Variants in PHLPP1 observed in about 807,000 individuals in gnomAD.
The protein encoded by PHLPP1 is PH domain leucine-rich repeat-containing protein phosphatase 1.
A neutral mutation model predicts 117.2 loss-of-function variants in PHLPP1; 42 were observed. That is an observed-to-expected ratio of 0.36 (90% CI 0.28 to 0.46). The LOEUF (loss-of-function observed/expected upper bound fraction) is 0.46. PHLPP1 is among the 20% of genes least tolerant of loss of function. PHLPP1 has a pLI of 1.00. For missense variants in PHLPP1, 2,084 were observed against 2,241.9 expected, an observed-to-expected ratio of 0.93 and a Z score of 1.42; for synonymous variants, 1,042 against 970.7, an observed-to-expected ratio of 1.07 and a Z score of -1.37.
chr18:62,815,219 G>A (rs1241904322), intron 1 of PHLPP1, among the ~76,000 whole-genome samples: 2 of 149,532 alleles, frequency 1.3e-5, no homozygotes, highest in African/African-American at 5.0e-5. Context: ...GTGCAGTGGC[G>A]CGATCTCTGC....
Position 62,766,069 on chromosome 18 carries a change from A to G in PHLPP1, c.1576+48810A>G, listed in dbSNP as rs1912473127. On this transcript the variant is annotated intron_variant, in intron 1 of 16. Coordinates refer to ENST00000262719, the MANE Select transcript of PHLPP1 (RefSeq NM_194449.4). The stretch of plus-strand genomic sequence containing the variant: ...GAGCTAGACTCCATCTCAAAAAAAA[A>G]AAAAAAAATATATATATATATATAT... Among the ~76,000 whole-genome samples the G allele has an allele frequency of 3.5e-5, 2 of 57,010 alleles. 1 individual carries two copies. Among genetic ancestry groups the G allele is most frequent in the Non-Finnish European group, 7.5e-5 (2 of 26,762 alleles). 37.4% of individuals were successfully genotyped at this position (57,010 alleles called of 152,430 possible). A position where few individuals can be genotyped will look rare whatever the true frequency, so the allele number is the denominator to read the frequency against.
chr18:62,865,376 CT>C (rs977891017), intron 4 of PHLPP1, among the ~76,000 whole-genome samples: 12 of 148,854 alleles, frequency 8.1e-5, no homozygotes, highest in Admixed American at 1.3e-4. Context: ...AGTTAATATG[CT>C]TTTTTTTTTC....
chr18:62,937,656 A>G (rs1910013781), intron 10 of PHLPP1, among the ~76,000 whole-genome samples: 1 of 152,144 alleles, frequency 6.6e-6, no homozygotes, highest in Non-Finnish European at 1.5e-5. Context: ...CTCAGCTTTG[A>G]GTTTTGTCTT....
rs143811073 is a variant in PHLPP1 at position 62,796,379 on chromosome 18, G to A, written c.1577-33656G>A. Among the ~76,000 whole-genome samples the A allele has an allele frequency of 9.8e-5, 15 of 152,332 alleles. No homozygotes were observed. The East Asian group carries it at 2.9e-3, about 29-fold the overall frequency. On this transcript the variant is annotated intron_variant, in intron 1 of 16. Transcript: ENST00000262719. ...AAGAGGCAGAGGTCAAACCTAAGCT[G>A]TCTGGCTTTGGAATCCATGTTTTGG...
intron 1 of PHLPP1, among the ~76,000 whole-genome samples, chr18:62,752,967 TA>T (rs1331886745): frequency 2.6e-5 from 4 of 152,220 alleles, no homozygotes; most frequent in Non-Finnish European, 5.9e-5. Flanking sequence ...TGTTGTGCCA[TA>T]TTACTACTGT....
At chr18:62,904,523 A>G (rs1189289392) in intron 7 of PHLPP1, among the ~76,000 whole-genome samples, 3 of 152,214 alleles carry the variant, frequency 2.0e-5, no homozygotes, top group Non-Finnish European at 1.5e-5. Context: ...TCAAGATTAC[A>G]TATGTTGATT....
chr18:62,848,132 A>G (rs117050210), intron 3 of PHLPP1, among the ~76,000 whole-genome samples: 1 of 152,134 alleles, frequency 6.6e-6, no homozygotes, highest in Non-Finnish European at 1.5e-5. Context: ...TGCAGATCTC[A>G]TCTGATCAGC....
intron 1 of PHLPP1, among the ~76,000 whole-genome samples, chr18:62,772,456 A>G (rs1210346412): frequency 4.6e-5 from 7 of 152,240 alleles, no homozygotes; most frequent in Admixed American, 2.6e-4. Flanking sequence ...CTAGGATCCC[A>G]TAACATATCT....
intron 9 of PHLPP1, among the ~76,000 whole-genome samples, chr18:62,915,394 C>G (rs1909237178): frequency 6.6e-6 from 1 of 152,130 alleles, no homozygotes; most frequent in Non-Finnish European, 1.5e-5. Flanking sequence ...CTTTTGTTCT[C>G]CCTAGACTTT....
At chr18:62,903,730 A>G (rs890296603) in intron 7 of PHLPP1, among the ~76,000 whole-genome samples, 5 of 151,186 alleles carry the variant, frequency 3.3e-5, no homozygotes, top group African/African-American at 4.9e-5. Flanking sequence ...AGATCACACT[A>G]CTGCACTCCA....
chr18:62,726,331 T>G (rs982779531), intron 1 of PHLPP1, among the ~76,000 whole-genome samples: 2 of 152,040 alleles, frequency 1.3e-5, no homozygotes, highest in Admixed American at 6.5e-5. Context: ...CTTTTTTTTT[T>G]TGGGGGGGTT....
chr18:62,822,600 A>G (rs141187772), intron 1 of PHLPP1, among the ~76,000 whole-genome samples: 1 of 152,238 alleles, frequency 6.6e-6, no homozygotes, highest in East Asian at 1.9e-4. Context: ...AGTGTTTTAA[A>G]TGGCACAAAT....
At chr18:62,905,879 G>A (rs148984989) in intron 8 of PHLPP1, among the ~76,000 whole-genome samples, 61 of 152,080 alleles carry the variant, frequency 4.0e-4, no homozygotes, top group African/African-American at 1.4e-3. Flanking sequence ...TATTTATTGC[G>A]GTTCCCACAA....
Position 62,978,782 on chromosome 18 carries a change from C to A in PHLPP1, c.4505C>A (p.Ala1502Asp). Residue 1502 changes from alanine (A) to aspartate (D), a missense_variant, in exon 17 of 17, where the codon GCC becomes GAC. Physicochemically the swap from Ala to Asp is moderately radical, Grantham distance 126. Around this residue, in one of 2 missense-constraint regions of PHLPP1, gnomAD observed 1,365 missense variants for 1,605.9 expected, o/e 0.85. Transcript: ENST00000262719. This position sits in a 1 kb window ranked among gnomAD's most constrained non-coding sequence, Gnocchi z 7.0. Reference sequence around the variant, plus strand: ...GCCTCCGATGAGCCCCCGCCCGGAGCCCTAAGCGAGAACAGCCCTGCCTAC... The same window carrying A: ...GCCTCCGATGAGCCCCCGCCCGGAGACCTAAGCGAGAACAGCCCTGCCTAC... ...STASDEPPPG[A>D]LSENSPAYPS... 1 of 1,612,784 alleles carries A rather than the reference C, an allele frequency of 6.2e-7. No homozygotes were observed. The highest frequency in any genetic ancestry group is 8.5e-7 in the Non-Finnish European group (1 of 1,179,522).
chr18:62,807,957 AT>A (rs1280618836), intron 1 of PHLPP1, among the ~76,000 whole-genome samples: 1 of 152,154 alleles, frequency 6.6e-6, no homozygotes, highest in Non-Finnish European at 1.5e-5. Flanking sequence ...CACTAAATTT[AT>A]TTTTAAAATA....
chr18:62,827,010 TAAATA>T (rs1328648745), intron 1 of PHLPP1, among the ~76,000 whole-genome samples: 6 of 151,898 alleles, frequency 4.0e-5, no homozygotes, highest in Non-Finnish European at 8.8e-5. Flanking sequence ...AAAAAATAAA[TAAATA>T]AAATAAAATA....
intron 1 of PHLPP1, among the ~76,000 whole-genome samples, chr18:62,756,129 A>G (rs1912009205): frequency 6.6e-6 from 1 of 152,162 alleles, no homozygotes; most frequent in East Asian, 1.9e-4. Flanking sequence ...GGCTTGAAAT[A>G]ATAAAGGTTT....
intron 1 of PHLPP1, among the ~76,000 whole-genome samples, chr18:62,758,876 A>G (rs962555487): frequency 3.3e-5 from 5 of 152,242 alleles, no homozygotes; most frequent in African/African-American, 9.6e-5. Flanking sequence ...TGATTGCAAT[A>G]AGGGGAGAAT....
chr18:62,920,841 A>G (rs546058786), intron 10 of PHLPP1, among the ~76,000 whole-genome samples: 1 of 152,310 alleles, frequency 6.6e-6, no homozygotes, highest in South Asian at 2.1e-4. Flanking sequence ...GATTATAGGT[A>G]TGAGCCACCA....
Sources: allele counts gnomAD v4.1 joint callset (sites outside exome capture counted in the v4.1 genomes callset), GRCh38; gene constraint gnomAD v4.1.1; regional missense constraint gnomAD v4.1.1; non-coding constraint Gnocchi (gnomAD v3.1); transcripts MANE v1.5; gene names NCBI Gene and HGNC (gene_info 2026-07-23, HGNC 2026-07-21).